CACNA2D3: variants seen among roughly 807,000 people sequenced by gnomAD.
CACNA2D3 encodes the protein calcium voltage-gated channel auxiliary subunit alpha2delta 3, also known as voltage-dependent calcium channel subunit alpha-2/delta-3.
CACNA2D3 carries 60 observed loss-of-function variants against 160.6 expected under a neutral mutation model. That is an observed-to-expected ratio of 0.37 (90% confidence interval 0.30 to 0.46). The LOEUF (loss-of-function observed/expected upper bound fraction) is 0.46. Ranked by LOEUF, CACNA2D3 falls within the 20% of genes least tolerant of loss-of-function variation. The pLI, the probability that CACNA2D3 is intolerant of heterozygous loss-of-function variation, is 1.00. For missense variants in CACNA2D3, 1,205 were observed against 1,365.0 expected, an observed-to-expected ratio of 0.88 and a Z score of 1.85; for synonymous variants, 558 against 492.9, an observed-to-expected ratio of 1.13 and a Z score of -1.75.
At chr3:54,814,400 C>T (rs1703403470) in intron 13 of CACNA2D3, among the ~76,000 whole-genome samples, 1 of 152,326 alleles carries the variant, frequency 6.6e-6, no homozygotes, top group East Asian at 1.9e-4. Flanking sequence ...AAGGCCAAAG[C>T]AGAGCAGGTA....
intron 27 of CACNA2D3, among the ~76,000 whole-genome samples, chr3:54,962,848 C>A (rs1470411120): frequency 1.3e-5 from 2 of 152,184 alleles, no homozygotes. Flanking sequence ...CACTATTTTA[C>A]AAACCAGATC....
At chr3:54,593,645 G>A (rs971693541) in intron 9 of CACNA2D3, among the ~76,000 whole-genome samples, 2 of 152,176 alleles carry the variant, frequency 1.3e-5, no homozygotes, top group Non-Finnish European at 2.9e-5. Flanking sequence ...GGGTCTGTAA[G>A]TGCCAGTTGT....
chr3:54,405,850 T>G (rs1277095857), intron 4 of CACNA2D3, among the ~76,000 whole-genome samples: 2 of 53,064 alleles, frequency 3.8e-5, no homozygotes, highest in Non-Finnish European at 5.1e-5. Flanking sequence ...TACAACTCAA[T>G]AGCAAAAAAA....
At chr3:54,343,351 G>A (rs1698396598) in intron 3 of CACNA2D3, among the ~76,000 whole-genome samples, 1 of 152,028 alleles carries the variant, frequency 6.6e-6, no homozygotes, top group African/African-American at 2.4e-5. Context: ...GAGTATAGTG[G>A]CACCATCATA....
intron 13 of CACNA2D3, among the ~76,000 whole-genome samples, chr3:54,808,171 A>G (rs1703184584): frequency 6.6e-6 from 1 of 152,012 alleles, no homozygotes. Flanking sequence ...TAACCTGCAC[A>G]TTGTGCACAT....
chr3:55,073,489 T>C lies in CACNA2D3; in HGVS notation c.3032T>C (p.Val1011Ala). 1 of 1,613,954 alleles carries C rather than the reference T, an allele frequency of 6.2e-7. No individual in the cohort carries two copies. Among genetic ancestry groups the C allele is most frequent in the Non-Finnish European group, 8.5e-7 (1 of 1,179,862 alleles). ...QQIPSSNLFMVVVDSSCLCES... is the reference protein window; with the variant it reads ...QQIPSSNLFMAVVDSSCLCES... ...ATCCCAAGCAGCAACCTGTTCATGG[T>C]GGTGGTGGACAGCAGCTGCCTCTGT... The change falls in exon 36 of 38, where the codon GTG becomes GCG. Residue 1011 changes from valine to alanine, a missense_variant. Transcript: ENST00000474759.
chr3:54,715,837 C>G (rs1037456342), intron 11 of CACNA2D3, among the ~76,000 whole-genome samples: 3 of 152,116 alleles, frequency 2.0e-5, no homozygotes, highest in Non-Finnish European at 4.4e-5. Flanking sequence ...TATGCTAAGC[C>G]AAACACAGAA....
At chr3:54,511,483 G>T (rs921278059) in intron 5 of CACNA2D3, among the ~76,000 whole-genome samples, 2 of 152,094 alleles carry the variant, frequency 1.3e-5, no homozygotes, top group Non-Finnish European at 2.9e-5. Context: ...CTGCTTGTTG[G>T]TTCTGTCAAC....
At chr3:54,718,697 T>C (rs1408554748) in intron 11 of CACNA2D3, among the ~76,000 whole-genome samples, 1 of 152,110 alleles carries the variant, frequency 6.6e-6, no homozygotes, top group Non-Finnish European at 1.5e-5. Flanking sequence ...AGTCAATTTA[T>C]TGATTTCTAC....
chr3:54,806,551 A>T (rs1290693288), intron 13 of CACNA2D3, among the ~76,000 whole-genome samples: 4 of 151,982 alleles, frequency 2.6e-5, no homozygotes, highest in South Asian at 2.1e-4. Flanking sequence ...ATGAAATAAA[A>T]GAGGATACAA....
intron 2 of CACNA2D3, among the ~76,000 whole-genome samples, chr3:54,161,591 A>C (rs570711277): frequency 6.6e-6 from 1 of 152,360 alleles, no homozygotes; most frequent in African/African-American, 2.4e-5. Context: ...TTGATGACAA[A>C]GTTCTAAGCC....
chr3:54,229,473 G>A (rs1380737084), intron 2 of CACNA2D3, among the ~76,000 whole-genome samples: 1 of 152,104 alleles, frequency 6.6e-6, no homozygotes. Flanking sequence ...GATTACAGGC[G>A]TGAGCCACCG....
intron 10 of CACNA2D3, among the ~76,000 whole-genome samples, 192 bp downstream of exon 10, chr3:54,628,068 TAAAAATACA>T (rs938721582): frequency 1.4e-4 from 21 of 152,130 alleles, no homozygotes; most frequent in Admixed American, 1.1e-3. Flanking sequence ...CCATCTCTAC[TAAAAATACA>T]AAAAATTAGC....
intron 9 of CACNA2D3, chr3:54,626,466 C>G (rs966061043): frequency 3.7e-6 from 6 of 1,603,302 alleles, no homozygotes; most frequent in Admixed American, 1.7e-5. Flanking sequence ...ACGTGATCAT[C>G]CTGCCCGAGA....
At chr3:54,433,217 T>A (rs939051600) in intron 4 of CACNA2D3, among the ~76,000 whole-genome samples, 3 of 152,190 alleles carry the variant, frequency 2.0e-5, no homozygotes, top group African/African-American at 7.2e-5. Context: ...GGAGGGGGAT[T>A]TATGTACTTG....
intron 2 of CACNA2D3, among the ~76,000 whole-genome samples, chr3:54,184,931 C>T (rs927159043): frequency 5.9e-5 from 9 of 152,156 alleles, no homozygotes; most frequent in African/African-American, 1.7e-4. Flanking sequence ...TGACCAGGGA[C>T]GTAGGCTAGG....
intron 5 of CACNA2D3, among the ~76,000 whole-genome samples, chr3:54,546,696 A>AT (rs998040325): frequency 1.3e-4 from 13 of 102,464 alleles, no homozygotes; most frequent in African/African-American, 3.9e-4. Flanking sequence ...AGATCAACAC[A>AT]TGCACACACA....
intron 5 of CACNA2D3, among the ~76,000 whole-genome samples, chr3:54,541,104 C>T (rs1438928737): frequency 2.0e-5 from 3 of 151,564 alleles, no homozygotes; most frequent in Non-Finnish European, 4.4e-5. Flanking sequence ...GGTGAAACCC[C>T]ATCTCTACTA....
chr3:54,631,374 T>C (rs1443813880), intron 10 of CACNA2D3, among the ~76,000 whole-genome samples: 2 of 152,354 alleles, frequency 1.3e-5, no homozygotes, highest in African/African-American at 4.8e-5. Context: ...GCTAAACTCT[T>C]TGACAAACAC....
Sources: gnomAD v4.1 joint callset for allele counts (sites outside exome capture counted in the v4.1 genomes callset) on GRCh38, gnomAD v4.1.1 for gene constraint, MANE v1.5 for transcripts, NCBI Gene and HGNC (gene_info 2026-07-23, HGNC 2026-07-21) for gene names.